Variants in CRYBG3 observed in about 807,000 individuals in gnomAD.
CRYBG3 encodes crystallin beta-gamma domain containing 3.
CRYBG3 carries 127 observed loss-of-function variants against 244.2 expected under a neutral mutation model. The ratio of observed to expected loss-of-function variants is 0.52; its 90% CI spans 0.45 to 0.60. The LOEUF is 0.60. Among genes scored for constraint, CRYBG3 ranks in the 20% least tolerant of loss-of-function variants. The pLI is 0.00. For synonymous variants in CRYBG3, 1,132 were observed against 1,195.8 expected (o/e 0.95, Z 1.10); for missense variants, 3,325 against 3,442.5 (o/e 0.97, Z 0.85).
intron 3 of CRYBG3, among the ~76,000 whole-genome samples, chr3:97,867,388 A>G (rs78868877): frequency 0.014 from 2,178 of 152,318 alleles, 53 homozygotes; most frequent in African/African-American, 0.05. Flanking sequence ...TGAATTAGAT[A>G]CTTTTGCTGT....
At position 97,880,072 on chromosome 3, in the gene CRYBG3, G is replaced by A. The variant is rs768622388; in HGVS notation, c.6976G>A (p.Gly2326Arg). 2 of 1,591,330 alleles carry A rather than the reference G, an allele frequency of 1.3e-6. No homozygotes were observed. Among genetic ancestry groups the A allele is most frequent in the East Asian group, 2.3e-5 (1 of 44,426 alleles). Residue 2326 changes from glycine to arginine, a missense_variant, in exon 6 of 22, where the codon GGA becomes AGA. Coordinates refer to ENST00000389622, the MANE Select transcript of CRYBG3 (RefSeq NM_153605.4). ...PDATSWSFPN[G>R]VLIKVVRGCW... ...TGCTACATCATGGTCTTTTCCAAAT[G>A]GAGTTCTAATAAAAGTTGTAAGGGG...
chr3:97,912,065 T>C, intron 15 of CRYBG3, 102 bp from the exon 16 acceptor site: 1 of 526,380 alleles, frequency 1.9e-6, no homozygotes. Flanking sequence ...GTCTGATATT[T>C]TGCTGCATTT....
At chr3:97,925,784 T>A (rs1047103440) in intron 17 of CRYBG3, among the ~76,000 whole-genome samples, 3 of 152,054 alleles carry the variant, frequency 2.0e-5, no homozygotes, top group African/African-American at 4.8e-5. Flanking sequence ...AAAATTAAAA[T>A]GTAATACTTC....
At chr3:97,929,501 C>T (rs2040075447) in intron 17 of CRYBG3, among the ~76,000 whole-genome samples, 3 of 151,678 alleles carry the variant, frequency 2.0e-5, no homozygotes, top group Admixed American at 2.0e-4. Flanking sequence ...ATCTTCCTAA[C>T]CTTTAAATAC....
At chr3:97,934,630 C>CAA (rs971016961) in intron 18 of CRYBG3, among the ~76,000 whole-genome samples, 6 of 152,008 alleles carry the variant, frequency 3.9e-5, no homozygotes, top group African/African-American at 1.4e-4. Context: ...AAGAGAAAGC[C>CAA]AATAATATAA....
chr3:97,935,263 C>G (rs1415567412), intron 18 of CRYBG3, among the ~76,000 whole-genome samples: 1 of 151,996 alleles, frequency 6.6e-6, no homozygotes, highest in Non-Finnish European at 1.5e-5. Flanking sequence ...GTACATTTTC[C>G]TAAAATCTTA....
At chr3:97,882,656 G>A (rs554640955) in intron 7 of CRYBG3, among the ~76,000 whole-genome samples, 1 of 152,254 alleles carries the variant, frequency 6.6e-6, no homozygotes, top group Admixed American at 6.5e-5. Flanking sequence ...ATGGATATAT[G>A]TAGTTTTCAA....
intron 1 of CRYBG3, among the ~76,000 whole-genome samples, chr3:97,841,201 T>C (rs765210933): frequency 2.1e-5 from 3 of 143,362 alleles, no homozygotes; most frequent in Non-Finnish European, 3.0e-5. Context: ...TGTGTATATA[T>C]GTATATATGT....
intron 1 of CRYBG3, 56 bp downstream of exon 1, chr3:97,822,411 G>C (rs1167479890): frequency 3.3e-5 from 45 of 1,383,772 alleles, no homozygotes; most frequent in Non-Finnish European, 4.1e-5. Context: ...CGGGATGAAG[G>C]CTCCCGGCCT....
intron 8 of CRYBG3, among the ~76,000 whole-genome samples, chr3:97,887,750 C>CT (rs1386104240): frequency 2.0e-5 from 3 of 152,266 alleles, no homozygotes; most frequent in Admixed American, 2.0e-4. Context: ...GAGCAAAACT[C>CT]TGTCTCAAGA....
intron 17 of CRYBG3, chr3:97,933,377 T>G: frequency 2.6e-6 from 1 of 385,434 alleles, no homozygotes; most frequent in Non-Finnish European, 4.9e-6. Flanking sequence ...TTGGCAGGAC[T>G]AATTATGGTC....
chr3:97,896,679 TA>T (rs1188704516), intron 12 of CRYBG3, among the ~76,000 whole-genome samples: 2 of 152,232 alleles, frequency 1.3e-5, no homozygotes, highest in East Asian at 1.9e-4. Flanking sequence ...TTTTACCCCT[TA>T]GGGGGCCTTT....
At chr3:97,933,641 T>A in intron 17 of CRYBG3, 53 bp from the exon 18 acceptor site, 1 of 1,581,382 alleles carries the variant, frequency 6.3e-7, no homozygotes, top group African/African-American at 1.4e-5. Context: ...CAGACTGGGA[T>A]GTCACTGAGA....
intron 17 of CRYBG3, 122 bp from the exon 18 acceptor site, chr3:97,933,572 G>C: frequency 1.0e-6 from 1 of 954,552 alleles, no homozygotes; most frequent in Non-Finnish European, 1.7e-6. Context: ...CAACCTTAGA[G>C]AGTAAAACAG....
At chr3:97,865,854 G>A (rs963773344) in intron 3 of CRYBG3, among the ~76,000 whole-genome samples, 4 of 151,910 alleles carry the variant, frequency 2.6e-5, no homozygotes, top group Non-Finnish European at 4.4e-5. Context: ...AGCAATGGAA[G>A]GTATCAATAA....
chr3:97,866,462 G>T (rs1235244250), intron 3 of CRYBG3, among the ~76,000 whole-genome samples: 2 of 152,172 alleles, frequency 1.3e-5, no homozygotes, highest in Non-Finnish European at 2.9e-5. Flanking sequence ...AGCAGCAGCA[G>T]CATCATCACC....
At chr3:97,881,018 C>G in intron 6 of CRYBG3, 54 bp from the exon 7 acceptor site, 1 of 1,392,234 alleles carries the variant, frequency 7.2e-7, no homozygotes. Context: ...GACTTATATG[C>G]CTTATTTCTT....
intron 3 of CRYBG3, among the ~76,000 whole-genome samples, chr3:97,866,411 A>C (rs912429779): frequency 2.0e-5 from 3 of 152,212 alleles, no homozygotes; most frequent in Non-Finnish European, 2.9e-5. Flanking sequence ...ATATGGGATT[A>C]CGATTGTCTA....
chr3:97,875,395 T>C lies in CRYBG3; in HGVS notation c.4201T>C (p.Tyr1401His). 1 of 1,406,058 alleles carries C rather than the reference T, an allele frequency of 7.1e-7. No homozygotes were observed. The highest frequency in any genetic ancestry group is 9.2e-7 in the Non-Finnish European group (1 of 1,088,324). 87.1% of individuals were successfully genotyped at this position (1,406,058 alleles called of 1,614,324 possible). Residue 1401 changes from tyrosine to histidine, a missense_variant, in exon 4 of 22, where the codon TAC (tyrosine) becomes CAC (histidine). Transcript: ENST00000389622. ...ESIKGGEIVL[Y>H]QKSLFSGNGS... ...AATTAAGGGAGGAGAAATTGTTCTC[T>C]ACCAAAAATCCCTATTTTCTGGAAA...
Sources: allele counts gnomAD v4.1 joint callset (sites outside exome capture counted in the v4.1 genomes callset), GRCh38; gene constraint gnomAD v4.1.1; transcripts MANE v1.5; gene names NCBI Gene and HGNC (gene_info 2026-07-23, HGNC 2026-07-21).